The following SNX16 variants were observed in gnomAD, a reference collection of about 807,000 sequenced individuals.
SNX16 encodes sorting nexin 16.
SNX16 carries 35 observed loss-of-function variants against 36.7 expected under a neutral mutation model. The observed-to-expected ratio is 0.95, with a 90% CI of 0.73 to 1.27. SNX16 has a LOEUF of 1.27. Among genes scored for constraint, SNX16 ranks in the 50% most tolerant of loss-of-function variants. The pLI is 0.00. For missense variants in SNX16, 367 were observed against 393.6 expected, an observed-to-expected ratio of 0.93 and a Z score of 0.57; for synonymous variants, 134 against 132.0, an observed-to-expected ratio of 1.02 and a Z score of -0.10.
At chr8:81,825,395 T>C (rs1810965414) in intron 3 of SNX16, among the ~76,000 whole-genome samples, 1 of 152,184 alleles carries the variant, frequency 6.6e-6, no homozygotes, top group Non-Finnish European at 1.5e-5. Context: ...TGGCTGCACA[T>C]TAGAATCACC....
At chr8:81,803,378 T>C (rs1442376928) in intron 5 of SNX16, 150 bp from the exon 6 acceptor site, 5 of 826,084 alleles carry the variant, frequency 6.1e-6, no homozygotes, top group Admixed American at 3.3e-5. Context: ...ATTTGTTCTC[T>C]ACCCTCATCT....
intron 5 of SNX16, among the ~76,000 whole-genome samples, chr8:81,803,893 A>T (rs751722801): frequency 8.7e-4 from 132 of 152,072 alleles, no homozygotes; most frequent in Non-Finnish European, 1.6e-3. Flanking sequence ...TCACCTGAAG[A>T]ATCTAATCTA....
intron 3 of SNX16, among the ~76,000 whole-genome samples, chr8:81,828,659 T>C (rs544220542): frequency 4.6e-5 from 7 of 152,310 alleles, no homozygotes; most frequent in Non-Finnish European, 8.8e-5. Flanking sequence ...TACTAATCAA[T>C]TGACCTTAAG....
chr8:81,834,647 G>A (rs979322559), intron 2 of SNX16, among the ~76,000 whole-genome samples: 3 of 152,192 alleles, frequency 2.0e-5, no homozygotes, highest in Non-Finnish European at 2.9e-5. Context: ...CCCAATGCAA[G>A]TCTGAAATCC....
intron 2 of SNX16, among the ~76,000 whole-genome samples, chr8:81,830,142 A>G (rs1293923255): frequency 6.6e-6 from 1 of 152,198 alleles, no homozygotes; most frequent in African/African-American, 2.4e-5. Flanking sequence ...CCATACACCA[A>G]TAACATTCAA....
At chr8:81,812,219 AAGG>A (rs1810289475) in intron 5 of SNX16, among the ~76,000 whole-genome samples, 1 of 152,052 alleles carries the variant, frequency 6.6e-6, no homozygotes, top group South Asian at 2.1e-4. Flanking sequence ...ACAGTCCAAG[AAGG>A]AGAAGGGAGA....
At chr8:81,813,940 T>C (rs894517451) in intron 5 of SNX16, among the ~76,000 whole-genome samples, 8 of 152,018 alleles carry the variant, frequency 5.3e-5, no homozygotes, top group Non-Finnish European at 1.2e-4. Context: ...TGTGAGGACA[T>C]AGAGAAACTA....
chr8:81,802,379 C>T lies in SNX16; in HGVS notation c.938+1G>A, dbSNP rs756517615. 1 of 1,599,930 alleles carries T rather than the reference C, an allele frequency of 6.3e-7. No individual in the cohort carries two copies. Among genetic ancestry groups the T allele is most frequent in the Non-Finnish European group, 8.5e-7 (1 of 1,173,588 alleles). On this transcript the variant is annotated splice_donor_variant, in intron 7 of 7. Transcript: ENST00000345957. LOFTEE classifies it high-confidence loss of function. ...GCTATCATAAATGAAATATTATATA[C>T]CTAGATTCTTCATCCAGGACATCTT...
At chr8:81,824,895 T>C (rs976819651) in intron 3 of SNX16, among the ~76,000 whole-genome samples, 1 of 152,148 alleles carries the variant, frequency 6.6e-6, no homozygotes, top group African/African-American at 2.4e-5. Flanking sequence ...GAAGGCTGGG[T>C]GCTGGAACTG....
intron 5 of SNX16, chr8:81,807,945 G>C: frequency 2.6e-6 from 2 of 783,328 alleles, no homozygotes; most frequent in South Asian, 2.7e-5. Context: ...GGGGCTTTGG[G>C]TTTGTCACAT....
At chr8:81,802,942 T>C (rs1809769716) in intron 6 of SNX16, 150 bp downstream of exon 6, 1 of 635,844 alleles carries the variant, frequency 1.6e-6, no homozygotes, top group African/African-American at 1.9e-5. Context: ...TTATGCTAAA[T>C]AAAGCATAAT....
chr8:81,818,080 TAA>T (rs1378779748), intron 4 of SNX16, among the ~76,000 whole-genome samples: 1 of 152,122 alleles, frequency 6.6e-6, no homozygotes, highest in African/African-American at 2.4e-5. Flanking sequence ...GAATTTTGTT[TAA>T]AGAGTTTTAC....
At chr8:81,833,498 T>C (rs951047864) in intron 2 of SNX16, among the ~76,000 whole-genome samples, 2 of 152,080 alleles carry the variant, frequency 1.3e-5, no homozygotes, top group African/African-American at 4.8e-5. Flanking sequence ...TCTAAAAAAG[T>C]TGCAATGGGA....
intron 5 of SNX16, among the ~76,000 whole-genome samples, chr8:81,812,394 TCAAA>T (rs1368413314): frequency 6.6e-6 from 1 of 151,818 alleles, no homozygotes; most frequent in Non-Finnish European, 1.5e-5. Context: ...CTGCTGAAAG[TCAAA>T]CAAACAGAAT....
At chr8:81,806,583 C>G (rs1408486693) in intron 5 of SNX16, among the ~76,000 whole-genome samples, 2 of 152,098 alleles carry the variant, frequency 1.3e-5, no homozygotes, top group Non-Finnish European at 2.9e-5. Flanking sequence ...CCATATCCAA[C>G]AGCAAAATAC....
intron 1 of SNX16, chr8:81,841,837 G>A (rs1156553835): frequency 6.6e-6 from 1 of 152,216 alleles, no homozygotes; most frequent in Non-Finnish European, 1.5e-5. Context: ...CGGAAGGTAA[G>A]GCCGGGGTCT....
chr8:81,836,319 T>C (rs1402530188), intron 2 of SNX16, among the ~76,000 whole-genome samples: 2 of 152,194 alleles, frequency 1.3e-5, no homozygotes, highest in African/African-American at 2.4e-5. Flanking sequence ...TTTACAAACC[T>C]AAGATTCTCA....
chr8:81,805,577 G>GCTT (rs1809893308), intron 5 of SNX16, among the ~76,000 whole-genome samples: 1 of 152,148 alleles, frequency 6.6e-6, no homozygotes, highest in African/African-American at 2.4e-5. Flanking sequence ...GATTCAAAGT[G>GCTT]GATATATAAC....
In SNX16 at chr8:81,839,868, G is replaced by A; in HGVS notation, c.119C>T (p.Ser40Phe). 1 of 1,613,970 alleles carries A rather than the reference G, an allele frequency of 6.2e-7. No homozygotes were observed. The highest frequency in any genetic ancestry group is 8.5e-7 in the Non-Finnish European group (1 of 1,179,922). The change falls in exon 2 of 8, where the codon TCT (serine) becomes TTT (phenylalanine). Residue 40 changes from serine (S) to phenylalanine (F), a missense_variant. Coordinates refer to ENST00000345957, the MANE Select transcript of SNX16 (RefSeq NM_152836.3). ...FGSVSTSSNS[S>F]KGQLEDSNMG... ...ATTTGAGTCTTCTAACTGGCCCTTAGAAGAATTTGAGCTTGTTGAGACACT... is the reference window on the plus strand; with the variant it reads ...ATTTGAGTCTTCTAACTGGCCCTTAAAAGAATTTGAGCTTGTTGAGACACT...
Sources: gnomAD v4.1 joint callset for allele counts (sites outside exome capture counted in the v4.1 genomes callset) on GRCh38, gnomAD v4.1.1 for gene constraint, MANE v1.5 for transcripts, NCBI Gene and HGNC (gene_info 2026-07-23, HGNC 2026-07-21) for gene names.